Variants in ZSWIM4 observed in about 807,000 individuals in gnomAD.
ZSWIM4 encodes the protein zinc finger SWIM domain-containing protein 4.
ZSWIM4 carries 62 observed loss-of-function variants against 102.5 expected under a neutral mutation model. The observed-to-expected ratio is 0.60, with a 90% CI of 0.49 to 0.75. ZSWIM4 has a LOEUF of 0.75. ZSWIM4 is among the 30% of genes least tolerant of loss of function. The probability of loss-of-function intolerance (pLI) is 0.00; values close to 1 mark genes in which losing one functional copy is unlikely to be tolerated. For missense variants in ZSWIM4, 1,280 were observed against 1,529.6 expected (o/e 0.84, Z 2.72); for synonymous variants, 652 against 674.5 (o/e 0.97, Z 0.52).
intron 8 of ZSWIM4, 137 bp from the exon 9 acceptor site, chr19:13,817,585 A>T (rs1324244431): frequency 1.8e-5 from 21 of 1,189,640 alleles, no homozygotes; most frequent in South Asian, 6.4e-5. Flanking sequence ...CGCTCCCCCA[A>T]CCCCGTGAGT....
intron 3 of ZSWIM4, among the ~76,000 whole-genome samples, chr19:13,806,890 G>C (rs779474546): frequency 1.3e-5 from 2 of 152,094 alleles, no homozygotes; most frequent in Non-Finnish European, 2.9e-5. Flanking sequence ...ATCGTGGGTG[G>C]GCAGAGTGGG....
Position 13,809,042 on chromosome 19 carries a change from C to T in ZSWIM4, c.862-28C>T, listed in dbSNP as rs1040015024. The T allele has an allele frequency of 1.2e-6, 2 of 1,607,596 alleles. No individual in the cohort carries two copies. Among genetic ancestry groups the T allele is most frequent in the Non-Finnish European group, 1.7e-6 (2 of 1,175,372 alleles). ...GAAGGCCCCGGCGGACGCCCCAGCC[C>T]TTCCTCACCACCCTGTCCCCGGCAC... On this transcript the variant is annotated intron_variant, in intron 4 of 13. Coordinates refer to ENST00000590508, the MANE Select transcript of ZSWIM4 (RefSeq NM_001367834.3). The surrounding 1 kb of genome is among the most constrained non-coding windows in gnomAD (Gnocchi z 4.2).
At chr19:13,800,161 G>A (rs1239330951) in intron 2 of ZSWIM4, among the ~76,000 whole-genome samples, 2 of 143,570 alleles carry the variant, frequency 1.4e-5, no homozygotes, top group Non-Finnish European at 3.0e-5. Flanking sequence ...TCCGCCTCCT[G>A]GGTTCACGCC....
intron 3 of ZSWIM4, among the ~76,000 whole-genome samples, chr19:13,805,830 G>A (rs952359845): frequency 1.3e-5 from 2 of 151,598 alleles, no homozygotes; most frequent in African/African-American, 4.8e-5. Flanking sequence ...AATTAGCCGG[G>A]CGTGGTGGTG....
Position 13,814,468 on chromosome 19 carries a change from C to G in ZSWIM4, c.1181-47C>G, listed in dbSNP as rs188412876. The G allele has an allele frequency of 1.2e-4, 131 of 1,077,672 alleles. 1 individual carries two copies. The East Asian group carries it at 8.9e-3, about 73-fold the overall frequency. 66.8% of individuals were successfully genotyped at this position (1,077,672 alleles called of 1,614,324 possible). A position where few individuals can be genotyped will look rare whatever the true frequency, so the allele number is the denominator to read the frequency against. On this transcript the variant is annotated intron_variant, in intron 6 of 13. Coordinates refer to ENST00000590508, the MANE Select transcript of ZSWIM4 (RefSeq NM_001367834.3). ...GGAAAAGCTGGACACGGCTCAACTG[C>G]TATAGGGACCCCCCCTCACTGAGCC...
chr19:13,826,385 T>A (rs1186149077), intron 12 of ZSWIM4, among the ~76,000 whole-genome samples: 1 of 151,916 alleles, frequency 6.6e-6, no homozygotes, highest in African/African-American at 2.4e-5. Context: ...GATTGCCGCC[T>A]AAGGAGAGGG....
rs778157687 is a variant in ZSWIM4 at position 13,799,730 on chromosome 19, G to A, written c.164G>A (p.Arg55Gln). Residue 55 changes from arginine (R) to glutamine (Q), a missense_variant, in exon 2 of 14, where the codon CGG becomes CAG. Coordinates refer to ENST00000590508, the MANE Select transcript of ZSWIM4 (RefSeq NM_001367834.3). ...ESWAFEQVEERFSRVPEPVQK... is the reference protein window; with the variant it reads ...ESWAFEQVEEQFSRVPEPVQK... Reference sequence around the variant, plus strand: ...TGGCCCTTCCTACAGGTGGAGGAGCGGTTCTCCCGGGTGCCTGAGCCCGTC... The same window carrying A: ...TGGCCCTTCCTACAGGTGGAGGAGCAGTTCTCCCGGGTGCCTGAGCCCGTC... The A allele has an allele frequency of 6.2e-7, 1 of 1,613,950 alleles. No individual in the cohort carries two copies. Among genetic ancestry groups the A allele is most frequent in the Non-Finnish European group, 8.5e-7 (1 of 1,179,984 alleles).
chr19:13,831,237 A>G lies in ZSWIM4; in HGVS notation c.*187A>G. 4.1e-6 allele frequency: 3 copies of G among 727,142 alleles called. No homozygotes were observed. Among genetic ancestry groups the G allele is most frequent in the Non-Finnish European group, 6.4e-6 (3 of 471,084 alleles). The allele number at this position is 727,142 out of a possible 1,614,324, so 45.0% of individuals were successfully genotyped here. On this transcript the variant is annotated 3_prime_UTR_variant, in exon 14 of 14. Coordinates refer to ENST00000590508, the MANE Select transcript of ZSWIM4 (RefSeq NM_001367834.3). ...GGGAGTCTGTGAGCAAGTGTGCAAG[A>G]CTCCAGAAGCAGAAGCCATACTGCC...
At position 13,830,246 on chromosome 19, in the gene ZSWIM4, G is replaced by A. The variant is rs775637255; in HGVS notation, c.2517G>A (p.Val839=). Residue 839 remains valine, a synonymous_variant, in exon 14 of 14, where the codon GTG becomes GTA. Transcript: ENST00000590508. ...MQNWYSLFTP[V]EAATIVAVTG... ...ACTGGTATTCCTTATTCACACCAGT[G>A]GAGGCGGCTACCATCGTGGCAGTGA... 6.2e-7 allele frequency: 1 copy of A among 1,613,990 alleles called. No individual in the cohort carries two copies. Among genetic ancestry groups the A allele is most frequent in the South Asian group, 1.1e-5 (1 of 91,086 alleles).
intron 5 of ZSWIM4, among the ~76,000 whole-genome samples, chr19:13,812,459 T>A (rs1975126129): frequency 8.0e-6 from 1 of 124,382 alleles, no homozygotes. Context: ...TAATCCCAAC[T>A]TTTTTTTTTT....
intron 1 of ZSWIM4, chr19:13,796,432 C>G (rs1407418363): frequency 6.5e-6 from 1 of 152,690 alleles, no homozygotes; most frequent in Non-Finnish European, 1.5e-5. Context: ...GCTCAAGACA[C>G]CCCTTTTTTC....
intron 1 of ZSWIM4, among the ~76,000 whole-genome samples, chr19:13,797,343 C>G (rs1183648652): frequency 6.6e-6 from 1 of 152,186 alleles, no homozygotes; most frequent in Non-Finnish European, 1.5e-5. Context: ...ACCCCCTCCC[C>G]TCCTGGGGCC....
At chr19:13,815,456 A>ATTTTTTTTTTTTTTTTTTT (rs758486796) in intron 7 of ZSWIM4, 1 of 58,160 alleles carries the variant, frequency 1.7e-5, no homozygotes, top group African/African-American at 7.9e-5. Context: ...GTGCCTGGAA[A>ATTTTTTTTTTTTTTTTTTT]TTTTTTTTTT....
At chr19:13,815,179 G>A (rs1975237804) in intron 7 of ZSWIM4, 3 of 154,130 alleles carry the variant, frequency 1.9e-5, no homozygotes, top group African/African-American at 4.8e-5. Flanking sequence ...TTTTGAGACA[G>A]AGTTTCGCTC....
rs1297227071 is a variant in ZSWIM4 at position 13,809,916 on chromosome 19, C to A, written c.1012+696C>A. On this transcript the variant is annotated intron_variant, in intron 5 of 13. Coordinates refer to ENST00000590508, the MANE Select transcript of ZSWIM4 (RefSeq NM_001367834.3). This position sits in a 1 kb window ranked among gnomAD's most constrained non-coding sequence, Gnocchi z 4.2. ...AAGTGATCCTCTGGCCTTGGCCTCT[C>A]AAAGTGCTGGGATGACAGGCATGAG... Among the ~76,000 whole-genome samples, 2 of 152,094 alleles carry A rather than the reference C, an allele frequency of 1.3e-5. No individual in the cohort carries two copies. Among genetic ancestry groups the A allele is most frequent in the East Asian group, 3.8e-4 (2 of 5,198 alleles).
rs141666721 is a variant in ZSWIM4, at chr19:13,830,285, C to T, written c.2556C>T (p.His852=). The change falls in exon 14 of 14, where the codon CAC becomes CAT. Residue 852 remains histidine (H), a synonymous_variant. Coordinates refer to ENST00000590508, the MANE Select transcript of ZSWIM4 (RefSeq NM_001367834.3). Reference sequence around the variant, plus strand: ...TCGTGGCAGTGACGGGCACCACACACGCCACTCTGCTGCGACTGCAGCTGG... The same window carrying T: ...TCGTGGCAGTGACGGGCACCACACATGCCACTCTGCTGCGACTGCAGCTGG... ...ATIVAVTGTT[H]ATLLRLQLDT... 2.5e-5 allele frequency: 41 copies of T among 1,613,788 alleles called. No homozygotes were observed. Among genetic ancestry groups the T allele is most frequent in the Admixed American group, 1.0e-4 (6 of 60,006 alleles).
intron 5 of ZSWIM4, 112 bp from the exon 6 acceptor site, chr19:13,812,885 G>C: frequency 8.2e-7 from 1 of 1,214,114 alleles, no homozygotes; most frequent in East Asian, 2.4e-5. Flanking sequence ...CAACTTCCGA[G>C]GGTCGAGGTG....
In ZSWIM4 at chr19:13,830,413, G is replaced by A. The variant is rs1273915391; in HGVS notation, c.2684G>A (p.Cys895Tyr). The A allele has an allele frequency of 1.2e-6, 2 of 1,611,674 alleles. No individual in the cohort carries two copies. The highest frequency in any genetic ancestry group is 1.7e-6 in the Non-Finnish European group (2 of 1,179,948). Reference protein sequence around the residue: ...QNCALPALTLCEKNHSAFEAA... With the variant: ...QNCALPALTLYEKNHSAFEAA... ...TGCGCCTTGCCTGCCCTGACCCTGT[G>A]CGAGAAGAACCACTCGGCCTTCGAG... The change falls in exon 14 of 14, where the codon TGC becomes TAC. Residue 895 changes from cysteine to tyrosine, a missense_variant. By Grantham distance (194) the Cys-to-Tyr change is radical (BLOSUM62 -2). Coordinates refer to ENST00000590508, the MANE Select transcript of ZSWIM4 (RefSeq NM_001367834.3).
At position 13,825,758 on chromosome 19, in the gene ZSWIM4, G is replaced by A. The variant is rs907220232; in HGVS notation, c.2379+45G>A. On this transcript the variant is annotated intron_variant, in intron 12 of 13. Transcript: ENST00000590508. The surrounding 1 kb of genome is among the most constrained non-coding windows in gnomAD (Gnocchi z 4.6). ...TGCGGGAGGGCGATGGTGGCTCGGG[G>A]CCAGGACTGACTGTGAGCTGCGCCT... 6.4e-7 allele frequency: 1 copy of A among 1,573,098 alleles called. No individual in the cohort carries two copies.
Sources: allele counts gnomAD v4.1 joint callset (sites outside exome capture counted in the v4.1 genomes callset), GRCh38; gene constraint gnomAD v4.1.1; non-coding constraint Gnocchi (gnomAD v3.1); transcripts MANE v1.5; gene names NCBI Gene and HGNC (gene_info 2026-07-23, HGNC 2026-07-21).